SLC14A2: variants seen among roughly 807,000 people sequenced by gnomAD.
SLC14A2 encodes urea transporter 2.
SLC14A2 carries 91 observed loss-of-function variants against 104.6 expected under a neutral mutation model. The ratio of observed to expected loss-of-function variants is 0.87; its 90% CI spans 0.73 to 1.04. SLC14A2 has a LOEUF of 1.04. SLC14A2 is among the 50% of genes least tolerant of loss of function. The pLI, the probability that SLC14A2 is intolerant of heterozygous loss-of-function variation, is 0.00. For synonymous variants in SLC14A2, 476 were observed against 466.4 expected, an observed-to-expected ratio of 1.02 and a Z score of -0.27; for missense variants, 1,189 against 1,156.0, an observed-to-expected ratio of 1.03 and a Z score of -0.41.
chr18:45,527,350 T>C (rs2043608471), intron 2 of SLC14A2, among the ~76,000 whole-genome samples: 1 of 152,182 alleles, frequency 6.6e-6, no homozygotes, highest in Non-Finnish European at 1.5e-5. Context: ...TATGATCCCA[T>C]TTTTTATCTC....
intron 2 of SLC14A2, among the ~76,000 whole-genome samples, chr18:45,558,895 A>T (rs2044167156): frequency 6.6e-6 from 1 of 151,978 alleles, no homozygotes; most frequent in South Asian, 2.1e-4. Context: ...GGTTCAATCG[A>T]TTCCTCTGCC....
chr18:45,386,282 A>T (rs1261107364), intron 1 of SLC14A2, among the ~76,000 whole-genome samples: 3 of 152,208 alleles, frequency 2.0e-5, no homozygotes, highest in Non-Finnish European at 4.4e-5. Context: ...CAAATGTCTC[A>T]TGGAAATTTC....
At chr18:45,342,571 T>C (rs1461474179) in intron 1 of SLC14A2, among the ~76,000 whole-genome samples, 1 of 152,216 alleles carries the variant, frequency 6.6e-6, no homozygotes, top group Non-Finnish European at 1.5e-5. Context: ...TGCTGAAATG[T>C]GGAGAATATA....
chr18:45,645,632 A>AT (rs1568312070), intron 10 of SLC14A2, among the ~76,000 whole-genome samples: 6 of 7,100 alleles, frequency 8.5e-4, no homozygotes, highest in Non-Finnish European at 1.5e-3. Flanking sequence ...TACATATACA[A>AT]AGATATATAT....
At chr18:45,367,656 A>T (rs1308361949) in intron 1 of SLC14A2, among the ~76,000 whole-genome samples, 1 of 152,168 alleles carries the variant, frequency 6.6e-6, no homozygotes, top group African/African-American at 2.4e-5. Flanking sequence ...CCCCAACTCC[A>T]ATTTCAGTAA....
chr18:45,637,238 C>A, intron 6 of SLC14A2, 56 bp downstream of exon 6: 2 of 1,427,928 alleles, frequency 1.4e-6, no homozygotes, highest in South Asian at 1.2e-5. Flanking sequence ...CAGACCTTCT[C>A]GCCAACCAAT....
intron 2 of SLC14A2, among the ~76,000 whole-genome samples, chr18:45,493,687 C>T (rs1356535060): frequency 6.6e-6 from 1 of 152,228 alleles, no homozygotes; most frequent in Admixed American, 6.5e-5. Flanking sequence ...AGTCCTCTAA[C>T]TCCTAGGCCA....
chr18:45,300,889 C>T (rs2084962014), intron 1 of SLC14A2, among the ~76,000 whole-genome samples: 1 of 152,188 alleles, frequency 6.6e-6, no homozygotes, highest in African/African-American at 2.4e-5. Context: ...TCTCCTCTCC[C>T]CGGGAGCTGG....
chr18:45,550,313 A>AT (rs977398662), intron 2 of SLC14A2: 32 of 152,130 alleles, frequency 2.1e-4, no homozygotes, highest in African/African-American at 7.2e-4. Flanking sequence ...ACACAGAACC[A>AT]TGGCTGCTCC....
chr18:45,453,015 G>A (rs1352909224), intron 1 of SLC14A2, among the ~76,000 whole-genome samples: 1 of 152,166 alleles, frequency 6.6e-6, no homozygotes, highest in South Asian at 2.1e-4. Flanking sequence ...GGACATCTTA[G>A]AGAGCAAGAT....
At chr18:45,482,291 A>G (rs967065143) in intron 1 of SLC14A2, among the ~76,000 whole-genome samples, 1 of 152,228 alleles carries the variant, frequency 6.6e-6, no homozygotes, top group African/African-American at 2.4e-5. Context: ...GTACAGACAT[A>G]TTAACATATG....
At chr18:45,444,534 A>T (rs2612587) in intron 1 of SLC14A2, among the ~76,000 whole-genome samples, 1 of 152,226 alleles carries the variant, frequency 6.6e-6, no homozygotes. Context: ...TGATCTGTCC[A>T]TATTTAAAAA....
At chr18:45,453,610 T>C (rs2086891373) in intron 1 of SLC14A2, among the ~76,000 whole-genome samples, 1 of 152,194 alleles carries the variant, frequency 6.6e-6, no homozygotes, top group Non-Finnish European at 1.5e-5. Context: ...ACTTTCATTT[T>C]TAAATATTGT....
At position 45,663,772 on chromosome 18, in the gene SLC14A2, T is replaced by C; in HGVS notation, c.1352-13T>C. 1 of 1,611,018 alleles carries C rather than the reference T, an allele frequency of 6.2e-7. No individual in the cohort carries two copies. Among genetic ancestry groups the C allele is most frequent in the Non-Finnish European group, 8.5e-7 (1 of 1,179,194 alleles). ...GGTGGGACACTGACCTGTCTTGTTTTGCCCCTGGCTAGGAGGCGGTGGGGA... is the reference window on the plus strand; with the variant it reads ...GGTGGGACACTGACCTGTCTTGTTTCGCCCCTGGCTAGGAGGCGGTGGGGA... On this transcript the variant is annotated splice_polypyrimidine_tract_variant and intron_variant, in intron 10 of 19. Transcript: ENST00000255226.
intron 1 of SLC14A2, among the ~76,000 whole-genome samples, chr18:45,229,595 C>T (rs546877180): frequency 1.3e-5 from 2 of 152,222 alleles, no homozygotes; most frequent in Admixed American, 6.5e-5. Flanking sequence ...CATACCTACA[C>T]GATTGTTTTT....
chr18:45,342,949 C>A (rs2085410619), intron 1 of SLC14A2, among the ~76,000 whole-genome samples: 1 of 152,122 alleles, frequency 6.6e-6, no homozygotes, highest in African/African-American at 2.4e-5. Flanking sequence ...ATTATTCAGA[C>A]CTTTAATCAG....
chr18:45,562,654 G>A (rs1255475530), intron 2 of SLC14A2, among the ~76,000 whole-genome samples: 1 of 152,160 alleles, frequency 6.6e-6, no homozygotes, highest in Admixed American at 6.5e-5. Flanking sequence ...CAGCCGGCCT[G>A]GGTGGTATTT....
chr18:45,671,760 AG>A (rs1416091108), intron 16 of SLC14A2, among the ~76,000 whole-genome samples: 1 of 152,176 alleles, frequency 6.6e-6, no homozygotes, highest in Non-Finnish European at 1.5e-5. Flanking sequence ...CCACGCGCAG[AG>A]GGAAGAGTTC....
chr18:45,645,282 A>G (rs1161591489), intron 10 of SLC14A2, among the ~76,000 whole-genome samples: 2 of 152,104 alleles, frequency 1.3e-5, no homozygotes, highest in Non-Finnish European at 2.9e-5. Flanking sequence ...GCTATTGTAT[A>G]CAGTGCTGTG....
Sources: allele counts gnomAD v4.1 joint callset (sites outside exome capture counted in the v4.1 genomes callset), GRCh38; gene constraint gnomAD v4.1.1; transcripts MANE v1.5; gene names NCBI Gene and HGNC (gene_info 2026-07-23, HGNC 2026-07-21).